The following NRG3 variants were observed in gnomAD, a reference collection of about 807,000 sequenced individuals.
NRG3 encodes neuregulin 3, also known as pro-neuregulin-3, membrane-bound isoform.
In NRG3, 31 loss-of-function variants were observed where a neutral mutation model predicts 66.9. The ratio of observed to expected loss-of-function variants is 0.46; its 90% CI spans 0.35 to 0.63. The LOEUF is 0.63. Among genes scored for constraint, NRG3 ranks in the 20% least tolerant of loss-of-function variants. NRG3 has a pLI of 0.00. For synonymous variants in NRG3, 393 were observed against 359.4 expected (o/e 1.09, Z -1.06); for missense variants, 910 against 878.9 (o/e 1.04, Z -0.45).
intron 1 of NRG3, among the ~76,000 whole-genome samples, chr10:82,271,640 A>C (rs2078603075): frequency 6.6e-6 from 1 of 152,084 alleles, no homozygotes; most frequent in Admixed American, 6.6e-5. Context: ...GAACTGTGTA[A>C]GCAATACTGC....
At chr10:82,038,738 C>T (rs772884019) in intron 1 of NRG3, among the ~76,000 whole-genome samples, 42 of 152,092 alleles carry the variant, frequency 2.8e-4, no homozygotes, top group Non-Finnish European at 5.6e-4. Context: ...CTGGGACTAC[C>T]ACCTGAACAT....
At chr10:82,806,894 T>G (rs1455461048) in intron 3 of NRG3, among the ~76,000 whole-genome samples, 2 of 152,214 alleles carry the variant, frequency 1.3e-5, no homozygotes, top group Non-Finnish European at 2.9e-5. Context: ...CTATTTCTAT[T>G]TGTCCTACCT....
At chr10:82,619,938 G>T (rs1314687141) in intron 2 of NRG3, among the ~76,000 whole-genome samples, 1 of 152,184 alleles carries the variant, frequency 6.6e-6, no homozygotes, top group Non-Finnish European at 1.5e-5. Flanking sequence ...GTTTGTTATG[G>T]CATCCCTAGC....
intron 2 of NRG3, among the ~76,000 whole-genome samples, chr10:82,578,937 G>T (rs1037591102): frequency 6.6e-6 from 1 of 151,788 alleles, no homozygotes; most frequent in Non-Finnish European, 1.5e-5. Context: ...TTTTTTAAAT[G>T]TGACCTCTAT....
At chr10:82,947,906 TTAATGTTGATAGA>T (rs1212422279) in intron 4 of NRG3, among the ~76,000 whole-genome samples, 2 of 152,134 alleles carry the variant, frequency 1.3e-5, no homozygotes, top group African/African-American at 4.8e-5. Context: ...AGAGCAAATG[TTAATGTTGATAGA>T]TAAAGTCCAT....
At chr10:82,428,428 A>G (rs1168450071) in intron 2 of NRG3, among the ~76,000 whole-genome samples, 1 of 151,626 alleles carries the variant, frequency 6.6e-6, no homozygotes, top group Non-Finnish European at 1.5e-5. Context: ...TCCCCTTGTG[A>G]ATTTTTTTCC....
intron 2 of NRG3, among the ~76,000 whole-genome samples, chr10:82,364,523 G>A (rs969985498): frequency 1.3e-5 from 2 of 152,010 alleles, no homozygotes; most frequent in Non-Finnish European, 2.9e-5. Context: ...TGTTGGCAAT[G>A]GTGCTATGTA....
intron 1 of NRG3, among the ~76,000 whole-genome samples, chr10:81,880,866 G>T (rs1842117728): frequency 6.6e-6 from 1 of 152,160 alleles, no homozygotes; most frequent in African/African-American, 2.4e-5. Context: ...TAAGGACAGA[G>T]CTGGTACTGC....
chr10:82,063,675 G>T (rs1243022861), intron 1 of NRG3, among the ~76,000 whole-genome samples: 1 of 151,712 alleles, frequency 6.6e-6, no homozygotes, highest in Non-Finnish European at 1.5e-5. Context: ...ACTAAAGAAA[G>T]AAACTAAGCT....
Position 82,973,852 on chromosome 10 carries a change from G to T in NRG3, c.1349G>T (p.Gly450Val). 1 of 1,613,978 alleles carries T rather than the reference G, an allele frequency of 6.2e-7. No individual in the cohort carries two copies. The highest frequency in any genetic ancestry group is 8.5e-7 in the Non-Finnish European group (1 of 1,179,906). The change falls in exon 7 of 9, where the codon GGC becomes GTC. Residue 450 changes from glycine to valine, a missense_variant. Gly to Val is a moderately radical substitution (Grantham distance 109). Coordinates refer to ENST00000372141, the MANE Select transcript of NRG3 (RefSeq NM_001010848.4). ...LEKMMESSFV[G>V]PQSFPEVPSP... ...AAAATGATGGAGTCAAGTTTTGTCG[G>T]CCCCCAGTCATTCCCTGAGGTCCCT... is the stretch of plus-strand genomic sequence containing the variant.
chr10:82,378,106 G>T (rs11194040), intron 2 of NRG3, among the ~76,000 whole-genome samples: 2 of 152,222 alleles, frequency 1.3e-5, no homozygotes, highest in East Asian at 1.9e-4. Flanking sequence ...TGTTTCGTTT[G>T]TTTTTTCTTA....
chr10:82,935,232 T>C (rs1388008450), intron 4 of NRG3, among the ~76,000 whole-genome samples: 1 of 152,194 alleles, frequency 6.6e-6, no homozygotes, highest in African/African-American at 2.4e-5. Flanking sequence ...ATGCCAAATA[T>C]CAGAATGGGG....
chr10:82,559,131 A>G (rs1054968169), intron 2 of NRG3, among the ~76,000 whole-genome samples: 6 of 151,890 alleles, frequency 4.0e-5, no homozygotes, highest in Non-Finnish European at 5.9e-5. Context: ...TTCCCCTCTC[A>G]TCTATGTATT....
intron 2 of NRG3, among the ~76,000 whole-genome samples, chr10:82,674,167 T>A (rs962472701): frequency 6.6e-6 from 1 of 152,136 alleles, no homozygotes; most frequent in Non-Finnish European, 1.5e-5. Flanking sequence ...TTAGATTTAT[T>A]CAGGTTGGAA....
intron 2 of NRG3, among the ~76,000 whole-genome samples, chr10:82,398,487 G>GTA (rs2086861077): frequency 7.0e-6 from 1 of 142,420 alleles, no homozygotes; most frequent in African/African-American, 2.8e-5. Flanking sequence ...TCTTGGCTTC[G>GTA]TGTATGTGTG....
At chr10:82,482,618 G>A (rs770924530) in intron 2 of NRG3, among the ~76,000 whole-genome samples, 15 of 152,036 alleles carry the variant, frequency 9.9e-5, no homozygotes, top group South Asian at 2.1e-4. Context: ...GTAGAAATAC[G>A]CATTTCTAGG....
intron 1 of NRG3, among the ~76,000 whole-genome samples, chr10:81,930,798 G>A (rs1033740277): frequency 6.6e-6 from 1 of 152,164 alleles, no homozygotes; most frequent in African/African-American, 2.4e-5. Context: ...TAGGTTACAT[G>A]TTATGGTGAT....
intron 1 of NRG3, among the ~76,000 whole-genome samples, chr10:82,316,435 A>G (rs9971220): frequency 0.017 from 2,619 of 152,290 alleles, 64 homozygotes; most frequent in African/African-American, 0.058. Context: ...GAAAAAAAGT[A>G]GAAAATTGAA....
intron 3 of NRG3, among the ~76,000 whole-genome samples, chr10:82,813,273 G>A (rs1253339320): frequency 1.5e-5 from 2 of 137,760 alleles, no homozygotes; most frequent in African/African-American, 5.4e-5. Context: ...GAGTATAGTG[G>A]CAAAATCTTA....
Sources: allele counts gnomAD v4.1 joint callset (sites outside exome capture counted in the v4.1 genomes callset), GRCh38; gene constraint gnomAD v4.1.1; transcripts MANE v1.5; gene names NCBI Gene and HGNC (gene_info 2026-07-23, HGNC 2026-07-21).